ASAP1: variants seen among roughly 807,000 people sequenced by gnomAD.
ASAP1 encodes the protein ArfGAP with SH3 domain, ankyrin repeat and PH domain 1, also known as arf-GAP with SH3 domain, ANK repeat and PH domain-containing protein 1.
ASAP1 carries 43 observed loss-of-function variants against 145.2 expected under a neutral mutation model. The ratio of observed to expected loss-of-function variants is 0.30; its 90% CI spans 0.23 to 0.38. ASAP1 has a LOEUF of 0.38. Ranked by LOEUF, ASAP1 falls within the 10% of genes least tolerant of loss-of-function variation. The pLI is 1.00. For missense variants in ASAP1, 1,018 were observed against 1,355.3 expected, an observed-to-expected ratio of 0.75 and a Z score of 3.91; for synonymous variants, 546 against 515.5, an observed-to-expected ratio of 1.06 and a Z score of -0.80.
chr8:130,077,382 G>C (rs1361987400), intron 26 of ASAP1, among the ~76,000 whole-genome samples: 1 of 152,158 alleles, frequency 6.6e-6, no homozygotes, highest in East Asian at 1.9e-4. Context: ...TTTAACAAGA[G>C]GTTTTGGCGA....
At chr8:130,276,726 A>T (rs375381624) in intron 3 of ASAP1, among the ~76,000 whole-genome samples, 2,418 of 90,494 alleles carry the variant, frequency 0.027, 25 homozygotes, top group African/African-American at 0.059. Flanking sequence ...ACACACACAC[A>T]CACTCTCTCT....
At chr8:130,110,504 G>A (rs1274338825) in intron 24 of ASAP1, among the ~76,000 whole-genome samples, 1 of 152,238 alleles carries the variant, frequency 6.6e-6, no homozygotes, top group Non-Finnish European at 1.5e-5. Flanking sequence ...CCACAGGGAA[G>A]CAGCAACACA....
intron 13 of ASAP1, among the ~76,000 whole-genome samples, chr8:130,152,043 A>AT (rs1191373642): frequency 1.3e-5 from 2 of 152,230 alleles, no homozygotes; most frequent in African/African-American, 4.8e-5. Context: ...CCTGATAGAT[A>AT]TCTAAAGTCA....
At chr8:130,101,732 ATTTTTTTT>A (rs59778799) in intron 24 of ASAP1, among the ~76,000 whole-genome samples, 3 of 86,924 alleles carry the variant, frequency 3.5e-5, no homozygotes, top group East Asian at 7.3e-4. Context: ...CACCTGGTTA[ATTTTTTTT>A]TTTTTTTTTT....
intron 5 of ASAP1, among the ~76,000 whole-genome samples, chr8:130,199,798 G>T (rs1353862633): frequency 6.6e-6 from 1 of 152,184 alleles, no homozygotes; most frequent in East Asian, 1.9e-4. Flanking sequence ...AACTGCCTCA[G>T]AGACAGGGCA....
At chr8:130,209,631 A>G (rs1186121044) in intron 5 of ASAP1, among the ~76,000 whole-genome samples, 1 of 152,124 alleles carries the variant, frequency 6.6e-6, no homozygotes, top group Non-Finnish European at 1.5e-5. Context: ...TCACATCTTG[A>G]CCCTCAAATG....
At chr8:130,212,076 T>G (rs1226566360) in intron 5 of ASAP1, among the ~76,000 whole-genome samples, 1 of 152,190 alleles carries the variant, frequency 6.6e-6, no homozygotes, top group East Asian at 1.9e-4. Flanking sequence ...CCTATCAATC[T>G]GTCTAGTTTG....
chr8:130,355,229 T>A (rs1452003199), intron 3 of ASAP1, among the ~76,000 whole-genome samples: 6 of 152,158 alleles, frequency 3.9e-5, no homozygotes, highest in Non-Finnish European at 8.8e-5. Flanking sequence ...TCACAGAGAT[T>A]TAACTAAAAG....
At chr8:130,296,695 T>G (rs1014444481) in intron 3 of ASAP1, among the ~76,000 whole-genome samples, 5 of 151,780 alleles carry the variant, frequency 3.3e-5, no homozygotes, top group Admixed American at 3.3e-4. Flanking sequence ...TTCTGGCTTT[T>G]CCCCCTTTCT....
chr8:130,065,384 G>A (rs969546580), intron 27 of ASAP1, among the ~76,000 whole-genome samples: 4 of 152,196 alleles, frequency 2.6e-5, no homozygotes, highest in Admixed American at 2.6e-4. Context: ...CTTGAACCCA[G>A]TCCTCTAGGG....
intron 13 of ASAP1, among the ~76,000 whole-genome samples, chr8:130,141,114 G>A (rs2097609827): frequency 6.6e-6 from 1 of 152,174 alleles, no homozygotes; most frequent in South Asian, 2.1e-4. Flanking sequence ...CTACACCACA[G>A]TGGAACAGTT....
chr8:130,107,660 G>A (rs958877787), intron 24 of ASAP1, among the ~76,000 whole-genome samples: 4 of 151,988 alleles, frequency 2.6e-5, no homozygotes, highest in African/African-American at 9.7e-5. Flanking sequence ...CAATTCTCCT[G>A]CCTCAGAATC....
Position 130,118,172 on chromosome 8 carries a change from A to G in ASAP1, c.1869T>C (p.Leu623=), listed in dbSNP as rs2135650437. ...AACAAAAACGATACCAGTTTTGTAC[A>G]AGGAAGTCAACCAAATGGAGAGATG... ...DQTSLHLVDF[L]VQNCGNLDKQ... The change falls in exon 20 of 30, where the codon CTT becomes CTC. Residue 623 remains leucine, a synonymous_variant. Transcript: ENST00000518721. 6.2e-7 allele frequency: 1 copy of G among 1,613,820 alleles called. No individual in the cohort carries two copies. Among genetic ancestry groups the G allele is most frequent in the South Asian group, 1.1e-5 (1 of 91,060 alleles).
chr8:130,389,868 A>AT (rs907220865), intron 2 of ASAP1, among the ~76,000 whole-genome samples: 6 of 151,320 alleles, frequency 4.0e-5, no homozygotes, highest in Non-Finnish European at 7.4e-5. Flanking sequence ...GCCCAGCTAA[A>AT]TTTTTTTTTC....
At chr8:130,126,699 G>C (rs2097575497) in intron 16 of ASAP1, among the ~76,000 whole-genome samples, 2 of 152,134 alleles carry the variant, frequency 1.3e-5, no homozygotes, top group Non-Finnish European at 2.9e-5. Flanking sequence ...CAATGCTTGA[G>C]ATTTTACTAC....
rs138663615 is a variant in ASAP1 at position 130,324,276 on chromosome 8, CTCTTT to C, written c.186+33736_186+33740del. Among the ~76,000 whole-genome samples, 1,154 of 152,302 alleles carry C rather than the reference CTCTTT, an allele frequency of 7.6e-3. 5 individuals carry two copies. The highest frequency in any genetic ancestry group is 0.012 in the Non-Finnish European group (842 of 68,024). The stretch of plus-strand genomic sequence containing the variant: ...GCTTCCAGAAATGTTAGGCTCACTT[CTCTTT>C]TAACAAAATGAAATGAGAAGGTAAA... On this transcript the variant is annotated intron_variant, in intron 3 of 29. Transcript: ENST00000518721.
intron 3 of ASAP1, among the ~76,000 whole-genome samples, chr8:130,292,362 A>C (rs77714015): frequency 6.6e-6 from 1 of 152,182 alleles, no homozygotes; most frequent in Non-Finnish European, 1.5e-5. Flanking sequence ...CTTTGTTAAC[A>C]GAAGTATGAA....
At chr8:130,091,895 C>A (rs2097506254) in intron 25 of ASAP1, 78 bp downstream of exon 25, 3 of 1,409,944 alleles carry the variant, frequency 2.1e-6, no homozygotes, top group Admixed American at 2.8e-5. Flanking sequence ...TCTGAATGTG[C>A]TAACAGGCCA....
At chr8:130,188,247 A>G in intron 5 of ASAP1, 64 bp from the exon 6 acceptor site, 1 of 1,293,250 alleles carries the variant, frequency 7.7e-7, no homozygotes, top group Non-Finnish European at 1.1e-6. Flanking sequence ...CAATAAAACC[A>G]GCTACTATTG....
Sources: allele counts gnomAD v4.1 joint callset (sites outside exome capture counted in the v4.1 genomes callset), GRCh38; gene constraint gnomAD v4.1.1; transcripts MANE v1.5; gene names NCBI Gene and HGNC (gene_info 2026-07-23, HGNC 2026-07-21).